The following OTOG variants were observed in gnomAD, a reference collection of about 807,000 sequenced individuals.
The protein encoded by OTOG is otogelin.
OTOG carries 296 observed loss-of-function variants against 313.8 expected under a neutral mutation model. That is an observed-to-expected ratio of 0.94 (90% CI 0.86 to 1.04). The LOEUF is 1.04. OTOG is among the 50% of genes least tolerant of loss of function. The pLI is 0.00. For missense variants in OTOG, 3,948 were observed against 3,840.1 expected (o/e 1.03, Z -0.74); for synonymous variants, 1,533 against 1,554.9 (o/e 0.99, Z 0.33).
intron 1 of OTOG, among the ~76,000 whole-genome samples, 176 bp from the exon 2 acceptor site, chr11:17,547,751 C>T (rs1851841062): frequency 6.6e-6 from 1 of 151,988 alleles, no homozygotes; most frequent in African/African-American, 2.4e-5. Flanking sequence ...ACAGGGAGAT[C>T]CTGGCTGGAG....
intron 51 of OTOG, 42 bp downstream of exon 51, chr11:17,641,133 C>A: frequency 6.7e-7 from 1 of 1,496,136 alleles, no homozygotes. Context: ...GTTGGGAGGG[C>A]TTGCCTGGCA....
Position 17,643,469 on chromosome 11 carries a change from T to G in OTOG, c.8424T>G (p.Gly2808=), listed in dbSNP as rs533362498. The G allele has an allele frequency of 2.7e-6, 4 of 1,459,710 alleles. No individual in the cohort carries two copies. In the East Asian group the frequency reaches 1.1e-4, roughly 42 times the overall value. The allele number at this position is 1,459,710 out of a possible 1,614,324, so 90.4% of individuals were successfully genotyped here. The change falls in exon 54 of 56, where the codon GGT becomes GGG. Residue 2808 remains glycine (G), a synonymous_variant. Coordinates refer to ENST00000399397, the MANE Select transcript of OTOG (RefSeq NM_001292063.2). ...CGACTTCCTCTCTCTAGGTTGGGGG[T>G]TCCGTGGTACCTTCCTTGGAAGGAT... ...LNETECAKVG[G]SVVPSLEGCC...
Position 17,576,562 on chromosome 11 carries a change from G to A in OTOG, c.2493G>A (p.Gln831=). 6.5e-7 allele frequency: 1 copy of A among 1,550,330 alleles called. No individual in the cohort carries two copies. The highest frequency in any genetic ancestry group is 8.7e-7 in the Non-Finnish European group (1 of 1,146,780). Residue 831 remains glutamine, a synonymous_variant, in exon 21 of 56, where the codon CAG becomes CAA. Coordinates refer to ENST00000399397, the MANE Select transcript of OTOG (RefSeq NM_001292063.2). ...TQADLCVPRN[Q]CSCHFQGVDY... Reference sequence around the variant, plus strand: ...TGCTCCCATTTTTTTATAGGAACCAGTGCTCCTGCCACTTCCAGGGAGTGG... The same window carrying A: ...TGCTCCCATTTTTTTATAGGAACCAATGCTCCTGCCACTTCCAGGGAGTGG...
At chr11:17,603,691 G>A (rs1448682191) in intron 32 of OTOG, among the ~76,000 whole-genome samples, 1 of 152,196 alleles carries the variant, frequency 6.6e-6, no homozygotes, top group African/African-American at 2.4e-5. Flanking sequence ...GGGACCTAGG[G>A]TGGCTGCATG....
At chr11:17,613,809 G>T in intron 39 of OTOG, 108 bp downstream of exon 39, 1 of 834,296 alleles carries the variant, frequency 1.2e-6, no homozygotes, top group Non-Finnish European at 1.9e-6. Flanking sequence ...CAGGGCAGGG[G>T]TGGGGAGGGG....
In OTOG at chr11:17,634,937, G is replaced by A. The variant is rs1243130390; in HGVS notation, c.7574G>A (p.Ser2525Asn). The part of the protein sequence containing the change: ...THFQEDSCCP[S>N]YSCECDPDLC... ...TTCCAGGAGGACTCCTGCTGCCCCAGCTACAGCTGTGGTGAGAGGCCCGGG... is the reference window on the plus strand; with the variant it reads ...TTCCAGGAGGACTCCTGCTGCCCCAACTACAGCTGTGGTGAGAGGCCCGGG... Residue 2525 changes from serine (S) to asparagine (N), a missense_variant, in exon 45 of 56, where the codon AGC (serine) becomes AAC (asparagine). Coordinates refer to ENST00000399397, the MANE Select transcript of OTOG (RefSeq NM_001292063.2). The A allele has an allele frequency of 8.0e-7, 1 of 1,249,188 alleles. No homozygotes were observed. The highest frequency in any genetic ancestry group is 1.1e-6 in the Non-Finnish European group (1 of 913,416). 77.4% of individuals were successfully genotyped at this position (1,249,188 alleles called of 1,614,324 possible).
At chr11:17,558,426 C>A in intron 9 of OTOG, 111 bp downstream of exon 9, 1 of 1,516,584 alleles carries the variant, frequency 6.6e-7, no homozygotes, top group Non-Finnish European at 8.9e-7. Context: ...TGACCCCATC[C>A]CTCTCTTCTC....
intron 39 of OTOG, among the ~76,000 whole-genome samples, chr11:17,620,672 T>C (rs369644560): frequency 6.6e-6 from 1 of 152,184 alleles, no homozygotes; most frequent in Non-Finnish European, 1.5e-5. Flanking sequence ...CCTTCTATAG[T>C]TGTTTTTAAG....
chr11:17,634,595 G>A (rs188072989), intron 44 of OTOG, among the ~76,000 whole-genome samples: 122 of 152,218 alleles, frequency 8.0e-4, no homozygotes, highest in Middle Eastern at 6.8e-3. Flanking sequence ...AAGATCGATC[G>A]GGCCCATCTT....
chr11:17,591,441 G>A lies in OTOG; in HGVS notation c.2868-9G>A, dbSNP rs1185933748. The A allele has an allele frequency of 6.4e-7, 1 of 1,550,708 alleles. No homozygotes were observed. Among genetic ancestry groups the A allele is most frequent in the Admixed American group, 2.0e-5 (1 of 51,006 alleles). ...GCCCTGTGATCTGGTCTGGGCATGT[G>A]TTTTTCAGTGTGTGCCAGCGGGGCT... On this transcript the variant is annotated splice_polypyrimidine_tract_variant and intron_variant, in intron 24 of 55. Transcript: ENST00000399397.
At chr11:17,573,455 C>G (rs1256875948) in intron 19 of OTOG, among the ~76,000 whole-genome samples, 165 bp downstream of exon 19, 1 of 152,192 alleles carries the variant, frequency 6.6e-6, no homozygotes, top group African/African-American at 2.4e-5. Context: ...GCCAATGGCC[C>G]CCATCCCCTC....
At chr11:17,548,474 G>A (rs944108716) in intron 3 of OTOG, among the ~76,000 whole-genome samples, 67 of 126,622 alleles carry the variant, frequency 5.3e-4, no homozygotes, top group African/African-American at 1.9e-3. Context: ...GTGGGCACCA[G>A]GGCTCTTTCA....
intron 6 of OTOG, among the ~76,000 whole-genome samples, chr11:17,554,097 A>T (rs897487034): frequency 2.6e-5 from 4 of 152,146 alleles, no homozygotes; most frequent in African/African-American, 7.2e-5. Context: ...GGGGAAAAAG[A>T]TCATTGGGTG....
intron 40 of OTOG, among the ~76,000 whole-genome samples, chr11:17,631,312 T>C (rs1854116648): frequency 6.6e-6 from 1 of 150,964 alleles, no homozygotes; most frequent in East Asian, 1.9e-4. Context: ...CAGTATAAAG[T>C]AGTGTACACC....
In OTOG at chr11:17,611,338, G is replaced by T. The variant is rs758497287; in HGVS notation, c.6038G>T (p.Arg2013Leu). ...VDEATTEPSG[R>L]SAPALSIVEG... The stretch of plus-strand genomic sequence containing the variant: ...GAGGCCACCACAGAACCATCTGGGC[G>T]CTCAGCCCCAGCCCTGAGCATCGTA... Residue 2013 changes from arginine to leucine, a missense_variant, in exon 36 of 56, where the codon CGC (arginine) becomes CTC (leucine). Arg to Leu is a moderately radical substitution (Grantham distance 102). Transcript: ENST00000399397. The T allele has an allele frequency of 1.3e-6, 2 of 1,550,366 alleles. No individual in the cohort carries two copies. Among genetic ancestry groups the T allele is most frequent in the African/African-American group, 2.7e-5 (2 of 73,066 alleles).
In OTOG at chr11:17,645,865, A is replaced by C. The variant is rs1318314492; in HGVS notation, c.8663A>C (p.Gln2888Pro). The change falls in exon 56 of 56, where the codon CAG becomes CCG. Residue 2888 changes from glutamine (Q) to proline (P), a missense_variant. Gln to Pro is a moderately conservative substitution (Grantham distance 76). Coordinates refer to ENST00000399397, the MANE Select transcript of OTOG (RefSeq NM_001292063.2). ...GTGGGCCTGCAGCGGCGCTCTGTGC[A>C]GCTCTTCTGTGCCACCAATGCCACC... ...REVGLQRRSV[Q>P]LFCATNATWV... 5.2e-6 allele frequency: 8 copies of C among 1,550,698 alleles called. No homozygotes were observed. The Admixed American group carries it at 1.6e-4, about 30-fold the overall frequency.
intron 3 of OTOG, among the ~76,000 whole-genome samples, chr11:17,549,662 A>T (rs1851891871): frequency 6.6e-6 from 1 of 152,092 alleles, no homozygotes; most frequent in Non-Finnish European, 1.5e-5. Context: ...TTAGTGGGGG[A>T]GATGACCCTT....
chr11:17,610,051 G>A lies in OTOG; in HGVS notation c.4751G>A (p.Gly1584Asp). 2 of 1,550,318 alleles carry A rather than the reference G, an allele frequency of 1.3e-6. No individual in the cohort carries two copies. Among genetic ancestry groups the A allele is most frequent in the South Asian group, 1.2e-5 (1 of 84,042 alleles). The stretch of plus-strand genomic sequence containing the variant: ...ACACCCACACCTGGCATGGTGTCAG[G>A]TGCCATGGAGACAACAAGGGTGACT... ...LQTPTPGMVSGAMETTRVTVI... is the reference protein window; with the variant it reads ...LQTPTPGMVSDAMETTRVTVI... Residue 1584 changes from glycine (G) to aspartate (D), a missense_variant, in exon 36 of 56, where the codon GGT becomes GAT. Gly to Asp is a moderately conservative substitution (Grantham distance 94). Coordinates refer to ENST00000399397, the MANE Select transcript of OTOG (RefSeq NM_001292063.2).
At chr11:17,555,924 C>A in intron 7 of OTOG, 27 bp downstream of exon 7, 1 of 1,504,360 alleles carries the variant, frequency 6.6e-7, no homozygotes, top group South Asian at 1.2e-5. Flanking sequence ...CCACATCGAG[C>A]TGTCCTATCC....
Sources: gnomAD v4.1 joint callset for allele counts (sites outside exome capture counted in the v4.1 genomes callset) on GRCh38, gnomAD v4.1.1 for gene constraint, MANE v1.5 for transcripts, NCBI Gene and HGNC (gene_info 2026-07-23, HGNC 2026-07-21) for gene names.